The following KSR2 variants were observed in gnomAD, a reference collection of about 807,000 sequenced individuals.
KSR2 encodes the protein kinase suppressor of ras 2.
KSR2 carries 25 observed loss-of-function variants against 107.8 expected under a neutral mutation model. The ratio of observed to expected loss-of-function variants is 0.23; its 90% CI spans 0.17 to 0.32. KSR2 has a LOEUF of 0.32. KSR2 is among the 10% of genes least tolerant of loss of function. The pLI, the probability that KSR2 is intolerant of heterozygous loss-of-function variation, is 1.00. For synonymous variants in KSR2, 480 were observed against 507.0 expected (o/e 0.95, Z 0.71); for missense variants, 887 against 1,268.9 (o/e 0.70, Z 4.57).
At chr12:117,531,533 G>T in intron 11 of KSR2, 133 bp downstream of exon 11, 1 of 729,264 alleles carries the variant, frequency 1.4e-6, no homozygotes, top group South Asian at 1.7e-5. Context: ...CCATTATCCT[G>T]GAGTGTGGTG....
intron 5 of KSR2, among the ~76,000 whole-genome samples, chr12:117,627,635 T>A (rs1372877715): frequency 6.6e-6 from 1 of 152,230 alleles, no homozygotes; most frequent in African/African-American, 2.4e-5. Context: ...CCCTTAACAC[T>A]TTTTCCTTCA....
chr12:117,630,578 C>T (rs770780799), intron 5 of KSR2, among the ~76,000 whole-genome samples: 5 of 151,896 alleles, frequency 3.3e-5, no homozygotes, highest in East Asian at 1.9e-4. Context: ...TCAAAGATCT[C>T]GTTGTCTGCA....
intron 3 of KSR2, among the ~76,000 whole-genome samples, chr12:117,843,056 T>C (rs1015093189): frequency 1.3e-5 from 2 of 152,012 alleles, no homozygotes; most frequent in Non-Finnish European, 2.9e-5. Flanking sequence ...GTCCAGTACA[T>C]ATTCAGTGCC....
chr12:117,558,981 T>G (rs146121971), intron 7 of KSR2, among the ~76,000 whole-genome samples: 16 of 151,536 alleles, frequency 1.1e-4, no homozygotes, highest in African/African-American at 3.6e-4. Flanking sequence ...AGATTGATGG[T>G]TGATGTGTGG....
At chr12:117,609,121 G>A (rs1433801117) in intron 5 of KSR2, among the ~76,000 whole-genome samples, 1 of 152,126 alleles carries the variant, frequency 6.6e-6, no homozygotes, top group Non-Finnish European at 1.5e-5. Flanking sequence ...TTTGGAACCA[G>A]GTGGCCTATA....
At chr12:117,855,707 G>A (rs935371556) in intron 2 of KSR2, 129 bp from the exon 3 acceptor site, 26 of 899,212 alleles carry the variant, frequency 2.9e-5, no homozygotes, top group African/African-American at 2.8e-4. Flanking sequence ...TGGGGTCTCC[G>A]AATCTCGGGT....
intron 4 of KSR2, among the ~76,000 whole-genome samples, chr12:117,691,375 C>T (rs1273598638): frequency 6.6e-6 from 1 of 152,286 alleles, no homozygotes; most frequent in East Asian, 1.9e-4. Context: ...CACTGACCCT[C>T]GCCTTGAGCC....
At chr12:117,698,843 G>T (rs992600776) in intron 4 of KSR2, among the ~76,000 whole-genome samples, 3 of 152,026 alleles carry the variant, frequency 2.0e-5, no homozygotes, top group Admixed American at 6.6e-5. Flanking sequence ...TCTTCTGATT[G>T]TCTCCTGACT....
chr12:117,618,453 G>A (rs1369953835), intron 5 of KSR2, among the ~76,000 whole-genome samples: 1 of 152,086 alleles, frequency 6.6e-6, no homozygotes, highest in East Asian at 1.9e-4. Context: ...AGGAAATGCA[G>A]TATTGAACTT....
intron 5 of KSR2, among the ~76,000 whole-genome samples, chr12:117,661,572 T>C (rs1361560500): frequency 6.6e-6 from 1 of 152,128 alleles, no homozygotes; most frequent in African/African-American, 2.4e-5. Flanking sequence ...TACTTCAAAA[T>C]GAAAGCTTTA....
At chr12:117,584,823 G>A (rs1768231634) in intron 5 of KSR2, among the ~76,000 whole-genome samples, 1 of 152,232 alleles carries the variant, frequency 6.6e-6, no homozygotes, top group South Asian at 2.1e-4. Context: ...TGTGTGGTCA[G>A]GCTATCATTA....
chr12:117,836,687 G>C (rs1892227241), intron 3 of KSR2, among the ~76,000 whole-genome samples: 1 of 152,228 alleles, frequency 6.6e-6, no homozygotes, highest in Admixed American at 6.5e-5. Context: ...ACGCAGCCGG[G>C]AGGCCCAGCC....
rs182076431 is a variant in KSR2, at chr12:117,591,372, G to T, written c.1172-9013C>A. On this transcript the variant is annotated intron_variant, in intron 5 of 19. Transcript: ENST00000339824. ...CAGGGGAAGGAACATGCTGATCCCA[G>T]GCAGAAGAGGAAGAAATGCCCCTGC... Among the ~76,000 whole-genome samples, 674 of 152,246 alleles carry T rather than the reference G, an allele frequency of 4.4e-3. 4 individuals carry two copies. Among genetic ancestry groups the T allele is most frequent in the Admixed American group, 9.0e-3 (137 of 15,300 alleles).
intron 3 of KSR2, among the ~76,000 whole-genome samples, chr12:117,804,652 C>T (rs1890952608): frequency 6.6e-6 from 1 of 152,054 alleles, no homozygotes; most frequent in Non-Finnish European, 1.5e-5. Context: ...TTCCAGCCAC[C>T]CCATTAAGGA....
chr12:117,660,197 T>C (rs994791890), intron 5 of KSR2, among the ~76,000 whole-genome samples: 5 of 152,148 alleles, frequency 3.3e-5, no homozygotes. Flanking sequence ...ATTTGGAAAA[T>C]GAGGAGGAGG....
intron 3 of KSR2, among the ~76,000 whole-genome samples, chr12:117,805,701 G>T (rs1026070506): frequency 1.3e-5 from 2 of 152,206 alleles, no homozygotes; most frequent in Non-Finnish European, 2.9e-5. Context: ...AGGTTTCCAG[G>T]CTAGGCGCAG....
At chr12:117,955,918 A>G (rs1224442952) in intron 1 of KSR2, among the ~76,000 whole-genome samples, 1 of 151,970 alleles carries the variant, frequency 6.6e-6, no homozygotes, top group South Asian at 2.1e-4. Flanking sequence ...TTAACCCAAT[A>G]TATCTAAAAT....
intron 5 of KSR2, among the ~76,000 whole-genome samples, chr12:117,618,217 T>A (rs1021290717): frequency 1.1e-4 from 17 of 152,182 alleles, no homozygotes; most frequent in African/African-American, 4.1e-4. Context: ...GCAGATTTGA[T>A]ACTGGACTTC....
At chr12:117,829,024 C>A (rs183373701) in intron 3 of KSR2, among the ~76,000 whole-genome samples, 2 of 152,170 alleles carry the variant, frequency 1.3e-5, no homozygotes, top group Non-Finnish European at 2.9e-5. Context: ...TGGGGTAACT[C>A]CAGTATGATG....
Sources: gnomAD v4.1 joint callset for allele counts (sites outside exome capture counted in the v4.1 genomes callset) on GRCh38, gnomAD v4.1.1 for gene constraint, MANE v1.5 for transcripts, NCBI Gene and HGNC (gene_info 2026-07-23, HGNC 2026-07-21) for gene names.